The following COL13A1 variants were observed in gnomAD, a reference collection of about 807,000 sequenced individuals.
COL13A1 encodes the protein collagen alpha-1(XIII) chain.
COL13A1 carries 89 observed loss-of-function variants against 130.9 expected under a neutral mutation model. The ratio of observed to expected loss-of-function variants is 0.68; its 90% CI spans 0.57 to 0.81. COL13A1 has a LOEUF of 0.81. Among genes scored for constraint, COL13A1 ranks in the 30% least tolerant of loss-of-function variants. The probability of loss-of-function intolerance (pLI) is 0.00; values close to 1 mark genes in which losing one functional copy is unlikely to be tolerated. For missense variants in COL13A1, 879 were observed against 934.6 expected, an observed-to-expected ratio of 0.94 and a Z score of 0.78; for synonymous variants, 402 against 341.6, an observed-to-expected ratio of 1.18 and a Z score of -1.95.
At chr10:69,816,400 C>T (rs540541879) in intron 1 of COL13A1, among the ~76,000 whole-genome samples, 1 of 151,154 alleles carries the variant, frequency 6.6e-6, no homozygotes, top group Non-Finnish European at 1.5e-5. Context: ...TTTTGCCAGG[C>T]TAATTCTGAG....
At chr10:69,896,207 C>G (rs1263632986) in intron 13 of COL13A1, among the ~76,000 whole-genome samples, 1 of 152,158 alleles carries the variant, frequency 6.6e-6, no homozygotes, top group African/African-American at 2.4e-5. Context: ...GATGGTTCCT[C>G]TGCCCACCCC....
intron 5 of COL13A1, 83 bp from the exon 6 acceptor site, chr10:69,877,956 T>A: frequency 1.5e-6 from 1 of 689,612 alleles, no homozygotes; most frequent in Non-Finnish European, 2.7e-6. Flanking sequence ...TGGATTCTCG[T>A]GTGGGTGCCT....
At chr10:69,918,996 C>T (rs2064277546) in intron 19 of COL13A1, 66 bp from the exon 20 acceptor site, 8 of 1,602,788 alleles carry the variant, frequency 5.0e-6, no homozygotes, top group Non-Finnish European at 6.8e-6. Context: ...CCTCCACCAA[C>T]AGGTGCCTTG....
At chr10:69,956,235 G>A (rs943730452) in intron 39 of COL13A1, 1 of 152,244 alleles carries the variant, frequency 6.6e-6, no homozygotes, top group Non-Finnish European at 1.5e-5. Context: ...GGATATGAGG[G>A]CCCAAGAAAA....
intron 10 of COL13A1, among the ~76,000 whole-genome samples, chr10:69,894,286 T>A (rs1013833646): frequency 6.6e-6 from 1 of 152,184 alleles, no homozygotes; most frequent in African/African-American, 2.4e-5. Flanking sequence ...AGCCCCTCCA[T>A]AGCTGGCCCA....
At chr10:69,810,775 G>T (rs1464086061) in intron 1 of COL13A1, among the ~76,000 whole-genome samples, 1 of 152,232 alleles carries the variant, frequency 6.6e-6, no homozygotes, top group African/African-American at 2.4e-5. Context: ...GCTGGGTGTT[G>T]TCTGGGCCAC....
At chr10:69,945,386 G>A (rs899294244) in intron 36 of COL13A1, among the ~76,000 whole-genome samples, 1 of 152,030 alleles carries the variant, frequency 6.6e-6, no homozygotes, top group African/African-American at 2.4e-5. Context: ...TGCTTTCTTC[G>A]CCCCTGTTTC....
At chr10:69,894,170 T>C (rs986607122) in intron 10 of COL13A1, among the ~76,000 whole-genome samples, 19 of 152,194 alleles carry the variant, frequency 1.2e-4, no homozygotes, top group Admixed American at 3.9e-4. Context: ...TGGGCTTCAC[T>C]GCAGCCTGGG....
intron 3 of COL13A1, among the ~76,000 whole-genome samples, chr10:69,870,512 G>C (rs1285188111): frequency 2.0e-4 from 30 of 150,742 alleles, no homozygotes; most frequent in Admixed American, 1.4e-3. Context: ...TTAGAGACGG[G>C]GTTTTGCTAT....
intron 10 of COL13A1, among the ~76,000 whole-genome samples, chr10:69,893,900 GC>G (rs1285565965): frequency 6.6e-6 from 1 of 152,216 alleles, no homozygotes; most frequent in Non-Finnish European, 1.5e-5. Context: ...CCTTGGTGCA[GC>G]CTCCTAAGAG....
chr10:69,898,124 C>A (rs1166697259), intron 13 of COL13A1, among the ~76,000 whole-genome samples: 1 of 152,156 alleles, frequency 6.6e-6, no homozygotes, highest in Non-Finnish European at 1.5e-5. Flanking sequence ...CCCTTGACCA[C>A]CCTCCCCAGA....
At chr10:69,803,247 C>G (rs1840559561) in intron 1 of COL13A1, among the ~76,000 whole-genome samples, 1 of 152,252 alleles carries the variant, frequency 6.6e-6, no homozygotes, top group Admixed American at 6.5e-5. Context: ...CCGCTAGGGT[C>G]CAAGTGTGGG....
At chr10:69,809,840 C>T (rs1158862263) in intron 1 of COL13A1, among the ~76,000 whole-genome samples, 2 of 152,220 alleles carry the variant, frequency 1.3e-5, no homozygotes, top group Non-Finnish European at 2.9e-5. Flanking sequence ...AGCCCTTGTC[C>T]AGTCTTGGCC....
chr10:69,886,073 G>A (rs1392467286), intron 7 of COL13A1, among the ~76,000 whole-genome samples: 1 of 152,202 alleles, frequency 6.6e-6, no homozygotes, highest in Non-Finnish European at 1.5e-5. Context: ...TAGGGTCATA[G>A]CATGTGAATC....
At chr10:69,838,176 T>C (rs562453898) in intron 2 of COL13A1, among the ~76,000 whole-genome samples, 13 of 152,358 alleles carry the variant, frequency 8.5e-5, no homozygotes, top group African/African-American at 2.9e-4. Flanking sequence ...CACAGCCTTG[T>C]GCCTTCCCGG....
At chr10:69,803,551 G>A (rs1447191822) in intron 1 of COL13A1, among the ~76,000 whole-genome samples, 1 of 152,186 alleles carries the variant, frequency 6.6e-6, no homozygotes, top group South Asian at 2.1e-4. Context: ...CAGCACAGGG[G>A]ATTCAGGGCC....
intron 36 of COL13A1, among the ~76,000 whole-genome samples, 200 bp downstream of exon 36, chr10:69,944,378 G>A (rs376867917): frequency 1.4e-3 from 208 of 152,316 alleles, no homozygotes; most frequent in African/African-American, 4.5e-3. Context: ...TGGAGAGGCC[G>A]GGCACGTTGG....
At chr10:69,834,736 G>T (rs1484614792) in intron 2 of COL13A1, among the ~76,000 whole-genome samples, 4 of 152,178 alleles carry the variant, frequency 2.6e-5, no homozygotes, top group African/African-American at 7.2e-5. Flanking sequence ...CAGAAGGGGG[G>T]TAGGTTGGAG....
At chr10:69,954,829 G>A (rs2070327122) in intron 39 of COL13A1, 1 of 152,294 alleles carries the variant, frequency 6.6e-6, no homozygotes, top group Non-Finnish European at 1.5e-5. Flanking sequence ...GGTCAAGAAT[G>A]TAGTTAAGGA....
Sources: allele counts gnomAD v4.1 joint callset (sites outside exome capture counted in the v4.1 genomes callset), GRCh38; gene constraint gnomAD v4.1.1; transcripts MANE v1.5; gene names NCBI Gene and HGNC (gene_info 2026-07-23, HGNC 2026-07-21).